Variants in GPHN observed in about 807,000 individuals in gnomAD.
GPHN encodes the protein gephyrin.
Under a neutral mutation model 95.5 loss-of-function variants are expected in GPHN, and 17 were observed. That is an observed-to-expected ratio of 0.18 (90% CI 0.12 to 0.27). GPHN has a LOEUF of 0.27. GPHN is among the 10% of genes least tolerant of loss of function. The pLI is 1.00. For synonymous variants in GPHN, 320 were observed against 322.5 expected (o/e 0.99, Z 0.08); for missense variants, 660 against 978.1 (o/e 0.67, Z 4.34).
At chr14:67,394,096 T>C in the GPHN span, among the ~76,000 whole-genome samples, 1 of 152,098 alleles carries the variant, frequency 6.6e-6, no homozygotes, top group Non-Finnish European at 1.5e-5. Context: ...CAGAACAGGG[T>C]GTTCAGTTAT....
chr14:67,496,400 T>TTTTTTG, the GPHN span, among the ~76,000 whole-genome samples: 2 of 123,166 alleles, frequency 1.6e-5, no homozygotes, highest in South Asian at 3.2e-4. Flanking sequence ...CGTTTTTTTT[T>TTTTTTG]TTTTTTTTTT....
chr14:67,486,656 C>T, the GPHN span, among the ~76,000 whole-genome samples: 4 of 152,138 alleles, frequency 2.6e-5, no homozygotes, highest in Non-Finnish European at 4.4e-5. Context: ...TGACTTGCTT[C>T]CCCTTGCCTT....
chr14:67,049,746 C>T (rs1297721102), intron 10 of GPHN, among the ~76,000 whole-genome samples: 2 of 152,120 alleles, frequency 1.3e-5, no homozygotes, highest in East Asian at 3.9e-4. Context: ...CATTTGACCT[C>T]GTGATCCGCC....
the GPHN span, among the ~76,000 whole-genome samples, chr14:67,566,711 T>C: frequency 1.3e-5 from 2 of 149,042 alleles, no homozygotes; most frequent in Non-Finnish European, 3.0e-5. Context: ...ATCTTGCCAC[T>C]GTACTCCAGC....
chr14:67,474,028 G>A, the GPHN span: 1 of 1,384,350 alleles, frequency 7.2e-7, no homozygotes, highest in Non-Finnish European at 9.5e-7. Flanking sequence ...CGAGGCGGCG[G>A]ATCACTTGAG....
At chr14:67,075,579 A>T (rs1339442500) in intron 11 of GPHN, among the ~76,000 whole-genome samples, 1 of 152,182 alleles carries the variant, frequency 6.6e-6, no homozygotes, top group African/African-American at 2.4e-5. Context: ...AACTTTCTGG[A>T]AAGGATTCAC....
chr14:67,395,058 T>G, the GPHN span, among the ~76,000 whole-genome samples: 3 of 152,150 alleles, frequency 2.0e-5, no homozygotes, highest in Admixed American at 6.5e-5. Flanking sequence ...TTTCAGGTAT[T>G]CTGTTATAAG....
the GPHN span, among the ~76,000 whole-genome samples, chr14:67,530,316 T>C: frequency 6.6e-6 from 1 of 152,176 alleles, no homozygotes; most frequent in Admixed American, 6.6e-5. Context: ...TGGAATTAAT[T>C]CAGAAACCTT....
chr14:66,669,753 G>T (rs1373441945), intron 1 of GPHN, among the ~76,000 whole-genome samples: 1 of 151,964 alleles, frequency 6.6e-6, no homozygotes, highest in Non-Finnish European at 1.5e-5. Flanking sequence ...TGTTTTTCAG[G>T]TATAAAATTT....
intron 1 of GPHN, among the ~76,000 whole-genome samples, chr14:66,679,852 A>C (rs947589955): frequency 6.6e-6 from 1 of 152,150 alleles, no homozygotes; most frequent in Admixed American, 6.6e-5. Context: ...TCTTTTTTAA[A>C]GTCCTTGTCT....
Position 66,732,611 on chromosome 14 carries a change from G to A in GPHN, c.144-43853G>A, listed in dbSNP as rs553511152. Reference sequence around the variant, plus strand: ...GACTCACTGCAACCTCCGCCTCCCCGGTTCAAGCGATTCTTCTGCCTCAGC... The same window carrying A: ...GACTCACTGCAACCTCCGCCTCCCCAGTTCAAGCGATTCTTCTGCCTCAGC... On this transcript the variant is annotated intron_variant, in intron 2 of 22. Transcript: ENST00000478722. Among the ~76,000 whole-genome samples, 148 of 152,258 alleles carry A rather than the reference G, an allele frequency of 9.7e-4. 1 individual carries two copies. The Middle Eastern group carries it at 0.01, about 10-fold the overall frequency.
the GPHN span, among the ~76,000 whole-genome samples, chr14:67,415,625 AG>A: frequency 1.3e-5 from 2 of 152,262 alleles, no homozygotes; most frequent in Admixed American, 1.3e-4. Context: ...GCCAGCATTC[AG>A]TATAGTATTT....
chr14:67,222,271 C>A, the GPHN span, among the ~76,000 whole-genome samples: 1 of 152,078 alleles, frequency 6.6e-6, no homozygotes, highest in Non-Finnish European at 1.5e-5. Flanking sequence ...CCAGGTGATA[C>A]TATTTAATGT....
rs546129424 is a variant in GPHN, at chr14:66,701,411, T to C, written c.143+20226T>C. Reference sequence around the variant, plus strand: ...ACTAGAAACAGTAGCAATTGGATGCTCCCATCAAAAAGAACCATAATAAGT... The same window carrying C: ...ACTAGAAACAGTAGCAATTGGATGCCCCCATCAAAAAGAACCATAATAAGT... On this transcript the variant is annotated intron_variant, in intron 2 of 22. Coordinates refer to ENST00000478722, the MANE Select transcript of GPHN (RefSeq NM_020806.5). 7.9e-5 allele frequency among the ~76,000 whole-genome samples: 12 copies of C among 152,272 alleles called. No individual in the cohort carries two copies. In the South Asian group the frequency reaches 2.5e-3, roughly 32 times the overall value.
At chr14:67,685,267 C>T in the GPHN span, 1 of 1,377,066 alleles carries the variant, frequency 7.3e-7, no homozygotes, top group Non-Finnish European at 1.0e-6. Flanking sequence ...TAGCCCAAAA[C>T]AGAAAAGGAT....
At chr14:66,633,441 G>C (rs574297957) in intron 1 of GPHN, among the ~76,000 whole-genome samples, 1 of 151,970 alleles carries the variant, frequency 6.6e-6, no homozygotes, top group African/African-American at 2.4e-5. Flanking sequence ...ATGGAATTTT[G>C]CATTTTACTG....
chr14:67,270,241 G>T, the GPHN span: 2 of 152,022 alleles, frequency 1.3e-5, no homozygotes, highest in African/African-American at 4.8e-5. Context: ...CCCTTCTCCC[G>T]CAACTAAAAC....
chr14:66,687,210 A>C (rs2067430624), intron 2 of GPHN, among the ~76,000 whole-genome samples: 1 of 152,142 alleles, frequency 6.6e-6, no homozygotes, highest in African/African-American at 2.4e-5. Flanking sequence ...AACGAGACAG[A>C]AAGTTAACAA....
At chr14:67,297,515 C>T in the GPHN span, among the ~76,000 whole-genome samples, 7 of 152,086 alleles carry the variant, frequency 4.6e-5, no homozygotes, top group East Asian at 5.8e-4. Context: ...TACATGATTG[C>T]GAATCTACTG....
Sources: allele counts gnomAD v4.1 joint callset (sites outside exome capture counted in the v4.1 genomes callset), GRCh38; gene constraint gnomAD v4.1.1; transcripts MANE v1.5; gene names NCBI Gene and HGNC (gene_info 2026-07-23, HGNC 2026-07-21).